The following NEK1 variants were observed in gnomAD, a reference collection of about 807,000 sequenced individuals.
NEK1 encodes NIMA related kinase 1.
A neutral mutation model predicts 182.1 loss-of-function variants in NEK1; 137 were observed. That is an observed-to-expected ratio of 0.75 (90% confidence interval 0.65 to 0.87). NEK1 has a LOEUF of 0.87. NEK1 is among the 40% of genes least tolerant of loss of function. The pLI is 0.00. For missense variants in NEK1, 1,391 were observed against 1,494.4 expected (o/e 0.93, Z 1.14); for synonymous variants, 513 against 492.2 (o/e 1.04, Z -0.56).
intron 11 of NEK1, among the ~76,000 whole-genome samples, chr4:169,578,353 C>T (rs924054889): frequency 4.6e-5 from 7 of 152,204 alleles, no homozygotes; most frequent in Admixed American, 3.9e-4. Context: ...GCCTAAGCAG[C>T]AGCTTGCTTT....
intron 12 of NEK1, among the ~76,000 whole-genome samples, chr4:169,571,739 T>C (rs1764888471): frequency 6.6e-6 from 1 of 151,972 alleles, no homozygotes; most frequent in Non-Finnish European, 1.5e-5. Context: ...TGGCTTGCTT[T>C]TTTTTCTTGA....
At chr4:169,430,192 G>C (rs376548735) in intron 29 of NEK1, among the ~76,000 whole-genome samples, 9 of 151,698 alleles carry the variant, frequency 5.9e-5, no homozygotes, top group African/African-American at 1.5e-4. Flanking sequence ...TTTTGTTTTT[G>C]TTTTATTTTT....
intron 11 of NEK1, among the ~76,000 whole-genome samples, chr4:169,578,274 T>A (rs1041763632): frequency 1.3e-5 from 2 of 152,094 alleles, no homozygotes; most frequent in African/African-American, 2.4e-5. Context: ...TAAACCCTTA[T>A]TGAAACCCTC....
chr4:169,407,437 T>C (rs561309357), intron 31 of NEK1, among the ~76,000 whole-genome samples: 12 of 152,292 alleles, frequency 7.9e-5, no homozygotes, highest in Non-Finnish European at 1.5e-4. Flanking sequence ...GAGTGGAACC[T>C]TTCTCACTAG....
intron 23 of NEK1, among the ~76,000 whole-genome samples, chr4:169,483,922 C>A (rs1335676957): frequency 1.3e-5 from 2 of 150,516 alleles, no homozygotes; most frequent in African/African-American, 2.4e-5. Context: ...CTAGAGCTCA[C>A]CTAACAGTAT....
At chr4:169,575,080 A>C (rs982532577) in intron 12 of NEK1, among the ~76,000 whole-genome samples, 1 of 152,210 alleles carries the variant, frequency 6.6e-6, no homozygotes, top group Non-Finnish European at 1.5e-5. Context: ...GTATGACCAG[A>C]GTCTTACAGC....
chr4:169,603,332 C>A (rs143387167), intron 2 of NEK1, among the ~76,000 whole-genome samples: 1 of 152,070 alleles, frequency 6.6e-6, no homozygotes, highest in Non-Finnish European at 1.5e-5. Context: ...TCATTTATAA[C>A]AACAAAACAC....
intron 23 of NEK1, among the ~76,000 whole-genome samples, chr4:169,481,212 C>T (rs146330657): frequency 5.5e-4 from 84 of 152,318 alleles, no homozygotes; most frequent in Non-Finnish European, 1.1e-3. Flanking sequence ...TGACTTCCTC[C>T]ACTGAAATCT....
Position 169,438,254 on chromosome 4 carries a change from A to G in NEK1, c.2593T>C (p.Ser865Pro). Residue 865 changes from serine (S) to proline (P), a missense_variant, in exon 28 of 36, where the codon TCT (serine) becomes CCT (proline). Coordinates refer to ENST00000507142, the MANE Select transcript of NEK1 (RefSeq NM_001199397.3). Reference protein sequence around the residue: ...LENTTIRSEISPEGEKYKPLI... With the variant: ...LENTTIRSEIPPEGEKYKPLI... ...GGTTTGTACTTTTCCCCTTCGGGAG[A>G]AATCTCTGTGAAAACAAAAAATAAA... is the stretch of plus-strand genomic sequence containing the variant. 1 of 1,531,392 alleles carries G rather than the reference A, an allele frequency of 6.5e-7. No homozygotes were observed. The highest frequency in any genetic ancestry group is 1.4e-5 in the African/African-American group (1 of 72,506). 94.9% of individuals were successfully genotyped at this position (1,531,392 alleles called of 1,614,324 possible).
intron 2 of NEK1, among the ~76,000 whole-genome samples, chr4:169,607,541 C>A (rs1418939161): frequency 2.0e-5 from 3 of 152,056 alleles, no homozygotes; most frequent in Non-Finnish European, 2.9e-5. Context: ...TGGCTCACTG[C>A]AAGCTCCACC....
At chr4:169,496,507 T>G (rs1751318501) in intron 23 of NEK1, among the ~76,000 whole-genome samples, 2 of 151,372 alleles carry the variant, frequency 1.3e-5, no homozygotes, top group Admixed American at 1.3e-4. Flanking sequence ...TGCTTCCAGT[T>G]TTTGCCCATT....
At chr4:169,569,421 T>TCTCTCC (rs1183407982) in intron 12 of NEK1, among the ~76,000 whole-genome samples, 3 of 150,588 alleles carry the variant, frequency 2.0e-5, no homozygotes, top group Non-Finnish European at 3.0e-5. Flanking sequence ...GAATAAAAGC[T>TCTCTCC]CTCTCCCTCT....
intron 29 of NEK1, among the ~76,000 whole-genome samples, chr4:169,430,940 TA>T (rs1348050454): frequency 6.6e-6 from 1 of 151,936 alleles, no homozygotes; most frequent in African/African-American, 2.4e-5. Flanking sequence ...AGAAATCTAT[TA>T]GTTAAAAAAA....
At chr4:169,491,764 T>C (rs995405252) in intron 23 of NEK1, among the ~76,000 whole-genome samples, 1 of 152,166 alleles carries the variant, frequency 6.6e-6, no homozygotes, top group Non-Finnish European at 1.5e-5. Flanking sequence ...AAATTGCTAT[T>C]ATAAAGGTTA....
At position 169,394,978 on chromosome 4, in the gene NEK1, T is replaced by C. The variant is rs190717658; in HGVS notation, c.3848-455A>G. Among the ~76,000 whole-genome samples, 13 of 152,256 alleles carry C rather than the reference T, an allele frequency of 8.5e-5. No homozygotes were observed. The East Asian group carries it at 2.3e-3, about 27-fold the overall frequency. On this transcript the variant is annotated intron_variant, in intron 35 of 35. Transcript: ENST00000507142. ...TTCAGATTTTCAATATGATAAAAAT[T>C]TGACAATAAAATGTTAAAGAATAAA...
chr4:169,512,702 T>G (rs1288487116), intron 19 of NEK1, among the ~76,000 whole-genome samples: 1 of 152,086 alleles, frequency 6.6e-6, no homozygotes, highest in Non-Finnish European at 1.5e-5. Context: ...GTCCCCAAAT[T>G]TTCTTCTCTT....
At chr4:169,445,842 C>CTATATATATATATATATA (rs1206499120) in intron 27 of NEK1, among the ~76,000 whole-genome samples, 4 of 108,582 alleles carry the variant, frequency 3.7e-5, no homozygotes, top group African/African-American at 1.9e-4. Context: ...AACAAAACAA[C>CTATATATATATATATATA]TATATACATA....
chr4:169,508,760 G>A lies in NEK1; in HGVS notation c.1749+9C>T. ...TGTGATGGAGGTAGCGAACATGCGG[G>A]AAGCATACCTCTTCCTCTTTGTTTC... On this transcript the variant is annotated intron_variant, in intron 20 of 35. Coordinates refer to ENST00000507142, the MANE Select transcript of NEK1 (RefSeq NM_001199397.3). 1 of 1,561,230 alleles carries A rather than the reference G, an allele frequency of 6.4e-7. No homozygotes were observed. The highest frequency in any genetic ancestry group is 8.6e-7 in the Non-Finnish European group (1 of 1,159,834).
Position 169,433,595 on chromosome 4 carries a change from G to A in NEK1, c.2835C>T (p.Cys945=), listed in dbSNP as rs765193688. 1 of 1,613,174 alleles carries A rather than the reference G, an allele frequency of 6.2e-7. No individual in the cohort carries two copies. Residue 945 remains cysteine, a synonymous_variant, in exon 29 of 36, where the codon TGC becomes TGT. Coordinates refer to ENST00000507142, the MANE Select transcript of NEK1 (RefSeq NM_001199397.3). ...CACTAATCCACACATCAGTAATAGT[G>A]CATGGCAAGCTCTCATCTTTGTTTG... is the stretch of plus-strand genomic sequence containing the variant. ...SGTNKDESLP[C]TITDVWISEE...
Sources: gnomAD v4.1 joint callset for allele counts (sites outside exome capture counted in the v4.1 genomes callset) on GRCh38, gnomAD v4.1.1 for gene constraint, MANE v1.5 for transcripts, NCBI Gene and HGNC (gene_info 2026-07-23, HGNC 2026-07-21) for gene names.